Variants in STX8 observed in about 807,000 individuals in gnomAD.
The protein encoded by STX8 is syntaxin-8.
STX8 carries 23 observed loss-of-function variants against 37.5 expected under a neutral mutation model. The observed-to-expected ratio is 0.61, with a 90% CI of 0.44 to 0.87. The LOEUF (loss-of-function observed/expected upper bound fraction) is 0.87, where lower values mean the gene tolerates loss of function less well. STX8 is among the 40% of genes least tolerant of loss of function. The probability of loss-of-function intolerance (pLI) is 0.00; values close to 1 mark genes in which losing one functional copy is unlikely to be tolerated. For synonymous variants in STX8, 115 were observed against 99.1 expected (o/e 1.16, Z -0.95); for missense variants, 313 against 284.7 (o/e 1.10, Z -0.71).
chr17:9,519,485 C>A (rs1201800611), intron 4 of STX8, among the ~76,000 whole-genome samples: 2 of 152,090 alleles, frequency 1.3e-5, no homozygotes, highest in African/African-American at 4.8e-5. Context: ...GCTCAGACAC[C>A]CATCACCTCT....
At chr17:9,325,574 A>C (rs1909726597) in intron 7 of STX8, among the ~76,000 whole-genome samples, 1 of 152,190 alleles carries the variant, frequency 6.6e-6, no homozygotes. Context: ...TTTCCGAACA[A>C]GGGGCCCTGC....
chr17:9,496,257 G>T (rs1373767126), intron 5 of STX8, among the ~76,000 whole-genome samples: 1 of 152,044 alleles, frequency 6.6e-6, no homozygotes, highest in Non-Finnish European at 1.5e-5. Context: ...TGTATTTTTA[G>T]TAGAGACGAG....
chr17:9,483,043 C>T (rs1235123183), intron 6 of STX8, among the ~76,000 whole-genome samples: 2 of 152,134 alleles, frequency 1.3e-5, no homozygotes, highest in Non-Finnish European at 2.9e-5. Context: ...CAAAAAGACA[C>T]CATGATTACT....
At chr17:9,531,445 C>T (rs551770140) in intron 4 of STX8, among the ~76,000 whole-genome samples, 2 of 152,262 alleles carry the variant, frequency 1.3e-5, no homozygotes, top group East Asian at 3.9e-4. Context: ...GAGATCTGAG[C>T]ATGGTAAGAC....
At chr17:9,510,367 T>C (rs1322161776) in intron 4 of STX8, among the ~76,000 whole-genome samples, 1 of 152,146 alleles carries the variant, frequency 6.6e-6, no homozygotes, top group Non-Finnish European at 1.5e-5. Context: ...GGACTGACCA[T>C]ATGTTAGGAC....
chr17:9,348,876 C>T (rs987242699), intron 7 of STX8, among the ~76,000 whole-genome samples: 6 of 152,328 alleles, frequency 3.9e-5, no homozygotes, highest in Admixed American at 3.9e-4. Flanking sequence ...AAAGCTTATA[C>T]ATTAATCGTC....
chr17:9,522,040 T>C (rs980608107), intron 4 of STX8, among the ~76,000 whole-genome samples: 6 of 152,204 alleles, frequency 3.9e-5, no homozygotes, highest in African/African-American at 1.4e-4. Flanking sequence ...GCCATCATTT[T>C]TTTGGGTCTC....
At chr17:9,333,478 C>T (rs939610883) in intron 7 of STX8, among the ~76,000 whole-genome samples, 5 of 152,108 alleles carry the variant, frequency 3.3e-5, no homozygotes, top group African/African-American at 1.2e-4. Context: ...AGCTCCGCCT[C>T]CCGGGTTCAC....
chr17:9,329,947 G>A (rs75502081), intron 7 of STX8, among the ~76,000 whole-genome samples: 8,092 of 152,156 alleles, frequency 0.053, 699 homozygotes, highest in African/African-American at 0.18. Context: ...ACCCCGAAGC[G>A]TGCTGATCCT....
intron 5 of STX8, among the ~76,000 whole-genome samples, chr17:9,500,447 G>A (rs1175191545): frequency 3.3e-5 from 5 of 152,124 alleles, no homozygotes; most frequent in Non-Finnish European, 7.4e-5. Context: ...GAACACAGGT[G>A]GAACCCAGCA....
chr17:9,268,177 G>A (rs1382732922), intron 7 of STX8, among the ~76,000 whole-genome samples: 2 of 151,720 alleles, frequency 1.3e-5, no homozygotes, highest in African/African-American at 2.4e-5. Flanking sequence ...GAACTAGGGC[G>A]CAACCAACTC....
chr17:9,418,571 G>A (rs1159811972), intron 6 of STX8, among the ~76,000 whole-genome samples: 1 of 150,154 alleles, frequency 6.7e-6, no homozygotes, highest in Non-Finnish European at 1.5e-5. Context: ...GCTCACGCCT[G>A]TAATCCCAGC....
chr17:9,278,451 GA>G lies in STX8; in HGVS notation c.644-27807del, dbSNP rs111575173. Among the ~76,000 whole-genome samples, 1,226 of 132,278 alleles carry G rather than the reference GA, an allele frequency of 9.3e-3. 15 individuals carry two copies. The highest frequency in any genetic ancestry group is 0.021 in the African/African-American group (770 of 36,010). 86.8% of individuals were successfully genotyped at this position (132,278 alleles called of 152,430 possible). ...GCAACAAGAGTGAAATTCCATCTCA[GA>G]AAAAAAAAAAAAATAGAAACATACT... On this transcript the variant is annotated intron_variant, in intron 7 of 7. Coordinates refer to ENST00000306357, the MANE Select transcript of STX8 (RefSeq NM_004853.3).
intron 7 of STX8, among the ~76,000 whole-genome samples, chr17:9,308,595 C>T (rs532281465): frequency 3.9e-5 from 6 of 152,054 alleles, no homozygotes; most frequent in East Asian, 1.9e-4. Flanking sequence ...TGGTGGCGTA[C>T]GCCTGTAGTC....
At chr17:9,313,550 C>G (rs572324298) in intron 7 of STX8, among the ~76,000 whole-genome samples, 6 of 152,350 alleles carry the variant, frequency 3.9e-5, no homozygotes, top group Admixed American at 3.3e-4. Flanking sequence ...ACACAAAGAG[C>G]CAAATGTCCC....
chr17:9,400,915 G>A (rs1197122819), intron 6 of STX8, among the ~76,000 whole-genome samples: 1 of 152,134 alleles, frequency 6.6e-6, no homozygotes, highest in Non-Finnish European at 1.5e-5. Flanking sequence ...AGAAAATGCT[G>A]TACAGTTTTT....
intron 7 of STX8, among the ~76,000 whole-genome samples, chr17:9,342,801 G>T (rs2003384): frequency 0.46 from 69,717 of 151,782 alleles, 16,760 homozygotes; most frequent in East Asian, 0.65. Context: ...GGTGGGCAGA[G>T]CATGAGGTCA....
At chr17:9,268,399 C>T (rs1302448469) in intron 7 of STX8, among the ~76,000 whole-genome samples, 4 of 152,036 alleles carry the variant, frequency 2.6e-5, no homozygotes, top group African/African-American at 9.7e-5. Context: ...CTAGGAAATA[C>T]ACAAGAGCAA....
chr17:9,496,724 A>G (rs552102613), intron 5 of STX8, among the ~76,000 whole-genome samples: 2 of 152,336 alleles, frequency 1.3e-5, no homozygotes, highest in East Asian at 3.9e-4. Context: ...GTATAATCAT[A>G]TGAGTCCTGA....
Sources: gnomAD v4.1 joint callset for allele counts (sites outside exome capture counted in the v4.1 genomes callset) on GRCh38, gnomAD v4.1.1 for gene constraint, MANE v1.5 for transcripts, NCBI Gene and HGNC (gene_info 2026-07-23, HGNC 2026-07-21) for gene names.